The following NPAS3 variants were observed in gnomAD, a reference collection of about 807,000 sequenced individuals.
NPAS3 encodes neuronal PAS domain protein 3, also known as neuronal PAS domain-containing protein 3.
Under a neutral mutation model 73.1 loss-of-function variants are expected in NPAS3, and 14 were observed. That is an observed-to-expected ratio of 0.19 (90% CI 0.13 to 0.30). NPAS3 has a LOEUF of 0.30. Ranked by LOEUF, NPAS3 falls within the 10% of genes least tolerant of loss-of-function variation. The pLI is 1.00. For missense variants in NPAS3, 1,096 were observed against 1,250.0 expected, an observed-to-expected ratio of 0.88 and a Z score of 1.86; for synonymous variants, 620 against 541.5, an observed-to-expected ratio of 1.14 and a Z score of -2.01.
chr14:33,683,077 T>G (rs1392462655), intron 6 of NPAS3, among the ~76,000 whole-genome samples: 1 of 152,066 alleles, frequency 6.6e-6, no homozygotes, highest in African/African-American at 2.4e-5. Flanking sequence ...TTTCAAAATT[T>G]AAATCACAGT....
At chr14:33,373,475 T>C (rs1365706515) in intron 4 of NPAS3, among the ~76,000 whole-genome samples, 1 of 151,878 alleles carries the variant, frequency 6.6e-6, no homozygotes, top group African/African-American at 2.4e-5. Flanking sequence ...TACTTATAAT[T>C]GAAAGATAGT....
At chr14:33,131,874 G>A (rs2043649243) in intron 2 of NPAS3, among the ~76,000 whole-genome samples, 1 of 152,162 alleles carries the variant, frequency 6.6e-6, no homozygotes, top group Admixed American at 6.6e-5. Context: ...AAGCTTGCAG[G>A]ATCAATTATA....
At chr14:33,382,235 G>T (rs1025232135) in intron 4 of NPAS3, among the ~76,000 whole-genome samples, 3 of 151,440 alleles carry the variant, frequency 2.0e-5, no homozygotes, top group Admixed American at 2.0e-4. Flanking sequence ...ACAATTCATT[G>T]CATTGAAAAA....
At chr14:33,545,195 T>C (rs970900325) in intron 4 of NPAS3, among the ~76,000 whole-genome samples, 3 of 152,018 alleles carry the variant, frequency 2.0e-5, no homozygotes, top group African/African-American at 4.8e-5. Flanking sequence ...GACTATTGAG[T>C]TTTTTTCTTG....
Position 33,678,699 on chromosome 14 carries a change from A to C in NPAS3, c.733+2314A>C, listed in dbSNP as rs868047466. ...TCTTGGAAGCTAGATCATCCTGTCAATTCATACTGAGTTTGATGTCTCCCC... is the reference window on the plus strand; with the variant it reads ...TCTTGGAAGCTAGATCATCCTGTCACTTCATACTGAGTTTGATGTCTCCCC... On this transcript the variant is annotated intron_variant, in intron 6 of 11. Transcript: ENST00000356141. Among the ~76,000 whole-genome samples, 48 of 151,532 alleles carry C rather than the reference A, an allele frequency of 3.2e-4. 2 individuals are homozygous for C. Among genetic ancestry groups the C allele is most frequent in the Middle Eastern group, 6.8e-3 (2 of 292 alleles).
At chr14:33,798,164 C>T (rs935527321) in intron 11 of NPAS3, among the ~76,000 whole-genome samples, 5 of 152,136 alleles carry the variant, frequency 3.3e-5, no homozygotes, top group South Asian at 2.1e-4. Context: ...TTAATGGCAT[C>T]GATCAATGCC....
At chr14:33,389,944 C>T (rs561616533) in intron 4 of NPAS3, among the ~76,000 whole-genome samples, 1 of 152,154 alleles carries the variant, frequency 6.6e-6, no homozygotes, top group African/African-American at 2.4e-5. Context: ...TAGTGACATA[C>T]TGTACTGTCT....
At chr14:33,164,600 A>G (rs563876163) in intron 2 of NPAS3, among the ~76,000 whole-genome samples, 12 of 152,302 alleles carry the variant, frequency 7.9e-5, no homozygotes, top group African/African-American at 1.4e-4. Context: ...AATAATGGCA[A>G]CTAGTGTTTA....
At chr14:33,223,363 G>T (rs17100398) in intron 3 of NPAS3, among the ~76,000 whole-genome samples, 4,051 of 152,236 alleles carry the variant, frequency 0.027, 170 homozygotes, top group African/African-American at 0.091. Flanking sequence ...TTCTGGGTGT[G>T]TGAACTGGAG....
intron 1 of NPAS3, among the ~76,000 whole-genome samples, chr14:32,966,701 C>T (rs1168363328): frequency 1.2e-5 from 1 of 82,916 alleles, no homozygotes; most frequent in South Asian, 3.4e-4. Context: ...ACCCGGGAAG[C>T]GGAGCTTGCA....
exon 8 of NPAS3, chr14:33,774,471 C>T (rs780447885): frequency 6.2e-7 from 1 of 1,614,074 alleles, no homozygotes; most frequent in African/African-American, 1.3e-5. Flanking sequence ...TCAGAATTGA[C>T]TGCCATATGT....
intron 4 of NPAS3, among the ~76,000 whole-genome samples, chr14:33,441,042 C>T (rs933659446): frequency 1.1e-4 from 17 of 152,320 alleles, no homozygotes; most frequent in African/African-American, 4.1e-4. Flanking sequence ...GATTCCTCTT[C>T]AGTAAAGTTA....
At chr14:33,218,136 G>C (rs2047293162) in intron 3 of NPAS3, among the ~76,000 whole-genome samples, 1 of 152,106 alleles carries the variant, frequency 6.6e-6, no homozygotes, top group South Asian at 2.1e-4. Flanking sequence ...GAAAAAACAG[G>C]GTGGTGAAGA....
At chr14:33,543,977 A>C (rs1474047489) in intron 4 of NPAS3, among the ~76,000 whole-genome samples, 524 of 35,706 alleles carry the variant, frequency 0.015, 9 homozygotes, top group African/African-American at 0.056. Flanking sequence ...ATATATATAT[A>C]TATATATATA....
At chr14:33,705,385 T>C (rs2060628997) in intron 6 of NPAS3, among the ~76,000 whole-genome samples, 3 of 152,182 alleles carry the variant, frequency 2.0e-5, no homozygotes, top group Non-Finnish European at 2.9e-5. Flanking sequence ...TTTGGGAGTG[T>C]TGAAATGAAG....
At chr14:33,182,905 C>G (rs186439831) in intron 2 of NPAS3, among the ~76,000 whole-genome samples, 2 of 152,218 alleles carry the variant, frequency 1.3e-5, no homozygotes, top group Non-Finnish European at 2.9e-5. Flanking sequence ...CACTGTCTCT[C>G]ATGCTCTGCC....
chr14:33,731,212 G>A (rs1321549971), intron 6 of NPAS3, among the ~76,000 whole-genome samples: 1 of 151,638 alleles, frequency 6.6e-6, no homozygotes, highest in Non-Finnish European at 1.5e-5. Flanking sequence ...TGAATCCCTG[G>A]GCAACATGGT....
intron 5 of NPAS3, among the ~76,000 whole-genome samples, chr14:33,581,384 A>G (rs1478026197): frequency 6.6e-6 from 1 of 152,210 alleles, no homozygotes; most frequent in Non-Finnish European, 1.5e-5. Context: ...TAATTACAAA[A>G]GCATCAAATT....
intron 3 of NPAS3, among the ~76,000 whole-genome samples, chr14:33,319,430 T>C (rs1320324312): frequency 6.6e-6 from 1 of 152,092 alleles, no homozygotes; most frequent in Non-Finnish European, 1.5e-5. Context: ...ATCTATCAAA[T>C]GATATCATAT....
Sources: allele counts gnomAD v4.1 joint callset (sites outside exome capture counted in the v4.1 genomes callset), GRCh38; gene constraint gnomAD v4.1.1; transcripts MANE v1.5; gene names NCBI Gene and HGNC (gene_info 2026-07-23, HGNC 2026-07-21).